Variants in KIF20B observed in about 807,000 individuals in gnomAD.
KIF20B encodes the protein kinesin-like protein KIF20B.
Under a neutral mutation model 232.5 loss-of-function variants are expected in KIF20B, and 188 were observed. The ratio of observed to expected loss-of-function variants is 0.81; its 90% CI spans 0.72 to 0.91. The LOEUF (loss-of-function observed/expected upper bound fraction) is 0.91. Among genes scored for constraint, KIF20B ranks in the 40% least tolerant of loss-of-function variants. The probability of loss-of-function intolerance (pLI) is 0.00; values close to 1 mark genes in which losing one functional copy is unlikely to be tolerated. For missense variants in KIF20B, 2,154 were observed against 2,055.9 expected (o/e 1.05, Z -0.92); for synonymous variants, 712 against 683.0 (o/e 1.04, Z -0.66).
At chr10:89,730,809 G>A (rs1843301749) in intron 18 of KIF20B, among the ~76,000 whole-genome samples, 1 of 152,136 alleles carries the variant, frequency 6.6e-6, no homozygotes, top group Admixed American at 6.6e-5. Flanking sequence ...CAGTGGGGGA[G>A]TCATTTTCAC....
At chr10:89,727,251 TCCC>T (rs11315506) in intron 16 of KIF20B, among the ~76,000 whole-genome samples, 45,948 of 148,890 alleles carry the variant, frequency 0.31, 7,975 homozygotes, top group African/African-American at 0.47. Flanking sequence ...TTTTCTGTCT[TCCC>T]CCCCCCTTTT....
intron 18 of KIF20B, among the ~76,000 whole-genome samples, 180 bp from the exon 19 acceptor site, chr10:89,732,722 TG>T (rs900221482): frequency 6.6e-6 from 1 of 152,180 alleles, no homozygotes. Context: ...TATCCCCAAA[TG>T]TTACTTATTT....
chr10:89,729,034 A>G (rs1843258730), intron 17 of KIF20B, 94 bp from the exon 18 acceptor site: 3 of 1,111,422 alleles, frequency 2.7e-6, no homozygotes, highest in Non-Finnish European at 1.2e-6. Flanking sequence ...TAAAATTTGA[A>G]GGAATTATAA....
In KIF20B at chr10:89,702,575, C is replaced by T. The variant is rs550069424; in HGVS notation, c.-2+895C>T. On this transcript the variant is annotated intron_variant, in intron 1 of 32. Coordinates refer to ENST00000371728, the MANE Select transcript of KIF20B (RefSeq NM_001284259.2). ...TTTTTTTGAGGCTTTGTGTTGTAGACCACATTCAGAAACCTCATTCAGCAA... is the reference window on the plus strand; with the variant it reads ...TTTTTTTGAGGCTTTGTGTTGTAGATCACATTCAGAAACCTCATTCAGCAA... 1.9e-4 allele frequency among the ~76,000 whole-genome samples: 29 copies of T among 152,234 alleles called. No homozygotes were observed. In the South Asian group the frequency reaches 6.0e-3, roughly 32 times the overall value.
Position 89,739,023 on chromosome 10 carries a change from A to C in KIF20B, c.3842A>C (p.Lys1281Thr). The C allele has an allele frequency of 2.5e-6, 4 of 1,613,324 alleles. No individual in the cohort carries two copies. Among genetic ancestry groups the C allele is most frequent in the Non-Finnish European group, 3.4e-6 (4 of 1,179,444 alleles). The change falls in exon 21 of 33, where the codon AAG (lysine) becomes ACG (threonine). Residue 1281 changes from lysine to threonine, a missense_variant. Transcript: ENST00000371728. The stretch of plus-strand genomic sequence containing the variant: ...AATCTGAAAGCAGATCTTCAGAGGA[A>C]GGAAGAAGATTATGCTGACCTGAAA... ...TQNLKADLQR[K>T]EEDYADLKEK...
chr10:89,731,359 CTT>C (rs1220489482), intron 18 of KIF20B, among the ~76,000 whole-genome samples: 1 of 152,072 alleles, frequency 6.6e-6, no homozygotes, highest in Non-Finnish European at 1.5e-5. Flanking sequence ...TGTAAATAAA[CTT>C]TATAGATTCT....
chr10:89,761,111 T>G (rs1204733313), intron 28 of KIF20B, among the ~76,000 whole-genome samples: 1 of 152,180 alleles, frequency 6.6e-6, no homozygotes, highest in Non-Finnish European at 1.5e-5. Context: ...TAGATAAAAA[T>G]TCTATGTTAC....
In KIF20B at chr10:89,719,430, A is replaced by G. The variant is rs367647523; in HGVS notation, c.1446A>G (p.Pro482=). 218 of 1,580,272 alleles carry G rather than the reference A, an allele frequency of 1.4e-4. 1 individual carries two copies. The South Asian group carries it at 1.6e-3, about 12-fold the overall frequency. The part of the protein sequence containing the change: ...FSAIAQKVCV[P]DTLNSSQEKL... The stretch of plus-strand genomic sequence containing the variant: ...GAATATTTTAACAGGTTTGTGTCCC[A>G]GACACTTTAAATTCCTCTCAAGAGA... The change falls in exon 13 of 33, where the codon CCA becomes CCG. Residue 482 remains proline (P), a synonymous_variant. Coordinates refer to ENST00000371728, the MANE Select transcript of KIF20B (RefSeq NM_001284259.2).
rs915699283 is a variant in KIF20B at position 89,707,898 on chromosome 10, T to G, written c.148-1269T>G. Among the ~76,000 whole-genome samples the G allele has an allele frequency of 2.2e-4, 34 of 152,250 alleles. 1 individual carries two copies. Among genetic ancestry groups the G allele is most frequent in the Admixed American group, 1.8e-3 (27 of 15,284 alleles). On this transcript the variant is annotated intron_variant, in intron 2 of 32. Coordinates refer to ENST00000371728, the MANE Select transcript of KIF20B (RefSeq NM_001284259.2). ...ACGTTGGATTTTGTCAAATGCTGTT[T>G]TCCCATCTGTAGAGATAAAAGTTTC...
Position 89,709,198 on chromosome 10 carries a change from AG to A in KIF20B, c.181del (p.Val61PhefsTer5). The part of the protein sequence containing the change: ...ANSFESKDYL[Q>X]VCLRIRPFTQ... ...AGTTTCGAATCTAAAGATTATCTCC[AG>A]GTTTGTCTTCGAATAAGACCATTTA... On this transcript the variant is annotated frameshift_variant, in exon 3 of 33. Coordinates refer to ENST00000371728, the MANE Select transcript of KIF20B (RefSeq NM_001284259.2). LOFTEE classifies it high-confidence loss of function. 6.2e-7 allele frequency: 1 copy of A among 1,609,950 alleles called. No homozygotes were observed. Among genetic ancestry groups the A allele is most frequent in the Non-Finnish European group, 8.5e-7 (1 of 1,177,262 alleles).
intron 18 of KIF20B, among the ~76,000 whole-genome samples, chr10:89,730,984 A>G (rs1318602634): frequency 2.0e-5 from 3 of 152,156 alleles, no homozygotes; most frequent in South Asian, 4.2e-4. Flanking sequence ...TAGTAGTAGT[A>G]GAGATTAAGG....
At chr10:89,714,343 G>A (rs1589853537) in intron 7 of KIF20B, among the ~76,000 whole-genome samples, 1 of 152,104 alleles carries the variant, frequency 6.6e-6, no homozygotes, top group African/African-American at 2.4e-5. Context: ...CCTGGGCGTG[G>A]TGGCGCGGGC....
Position 89,745,920 on chromosome 10 carries a change from G to A in KIF20B, c.4057G>A (p.Val1353Met), listed in dbSNP as rs12772293. ...GTAGGAGCAGTTAAATAATCAGAAA[G>A]TGGAAGAAGCTATACAACAGTATGA... ...QLKEQLNNQK[V>M]EEAIQQYERA... Residue 1353 changes from valine to methionine, a missense_variant, in exon 23 of 33, where the codon GTG (valine) becomes ATG (methionine). Coordinates refer to ENST00000371728, the MANE Select transcript of KIF20B (RefSeq NM_001284259.2). 2 of 1,609,922 alleles carry A rather than the reference G, an allele frequency of 1.2e-6. No homozygotes were observed. Among genetic ancestry groups the A allele is most frequent in the Non-Finnish European group, 1.7e-6 (2 of 1,176,216 alleles).
chr10:89,720,567 C>G (rs1843031693), intron 13 of KIF20B, among the ~76,000 whole-genome samples: 1 of 152,130 alleles, frequency 6.6e-6, no homozygotes, highest in African/African-American at 2.4e-5. Context: ...GTCTCAAGTA[C>G]AAGTGTTAAA....
intron 13 of KIF20B, among the ~76,000 whole-genome samples, chr10:89,722,882 T>C (rs1843097546): frequency 6.6e-6 from 1 of 152,194 alleles, no homozygotes; most frequent in South Asian, 2.1e-4. Context: ...ATTTTTATTA[T>C]ATATTACTGT....
chr10:89,759,632 C>T (rs533920122), intron 27 of KIF20B, among the ~76,000 whole-genome samples: 5 of 152,208 alleles, frequency 3.3e-5, no homozygotes, highest in South Asian at 2.1e-4. Flanking sequence ...CAACTGCTGT[C>T]GCTGTGGTTT....
At chr10:89,711,217 C>T in intron 6 of KIF20B, 72 bp downstream of exon 6, 1 of 934,542 alleles carries the variant, frequency 1.1e-6, no homozygotes, top group Admixed American at 2.8e-5. Context: ...ATTGTTTCAC[C>T]ATATATTGGA....
At chr10:89,762,424 G>C (rs763261323) in intron 28 of KIF20B, among the ~76,000 whole-genome samples, 8 of 152,116 alleles carry the variant, frequency 5.3e-5, no homozygotes, top group Non-Finnish European at 1.0e-4. Flanking sequence ...ATACAAGTTT[G>C]GGAAATAGCG....
intron 13 of KIF20B, among the ~76,000 whole-genome samples, chr10:89,722,431 A>C (rs1843080495): frequency 6.6e-6 from 1 of 152,172 alleles, no homozygotes; most frequent in Admixed American, 6.5e-5. Context: ...GCACTTTGGG[A>C]GGCCAAGGTG....
Sources: allele counts gnomAD v4.1 joint callset (sites outside exome capture counted in the v4.1 genomes callset), GRCh38; gene constraint gnomAD v4.1.1; transcripts MANE v1.5; gene names NCBI Gene and HGNC (gene_info 2026-07-23, HGNC 2026-07-21).